Variants in EHMT1 observed in about 807,000 individuals in gnomAD.
The protein encoded by EHMT1 is euchromatic histone lysine methyltransferase 1.
Under a neutral mutation model 147.2 loss-of-function variants are expected in EHMT1, and 15 were observed. The ratio of observed to expected loss-of-function variants is 0.10; its 90% confidence interval spans 0.07 to 0.16. The LOEUF (loss-of-function observed/expected upper bound fraction) is 0.16, where lower values mean the gene tolerates loss of function less well. Ranked by LOEUF, EHMT1 falls within the 10% of genes least tolerant of loss-of-function variation. The pLI, the probability that EHMT1 is intolerant of heterozygous loss-of-function variation, is 1.00. For missense variants in EHMT1, 1,587 were observed against 1,772.4 expected, an observed-to-expected ratio of 0.90 and a Z score of 1.88; for synonymous variants, 795 against 709.6, an observed-to-expected ratio of 1.12 and a Z score of -1.91.
intron 1 of EHMT1, among the ~76,000 whole-genome samples, chr9:137,620,309 T>C (rs1842876386): frequency 6.6e-6 from 1 of 152,224 alleles, no homozygotes; most frequent in South Asian, 2.1e-4. Context: ...ATTTATGAAG[T>C]ACCCACTGGA....
chr9:137,830,824 A>G lies in EHMT1; in HGVS notation c.3541-3525A>G, dbSNP rs542208548. On this transcript the variant is annotated intron_variant, in intron 25 of 26. Coordinates refer to ENST00000460843, the MANE Select transcript of EHMT1 (RefSeq NM_024757.5). ...GTGTAAAATTTTTGCATGCTTGGGA[A>G]GTTCACACCCAGAAAAGCCTTGCTT... 1.2e-4 allele frequency among the ~76,000 whole-genome samples: 19 copies of G among 152,280 alleles called. No homozygotes were observed. In the South Asian group the frequency reaches 3.9e-3, roughly 32 times the overall value.
intron 22 of EHMT1, chr9:137,815,500 T>C: frequency 3.5e-6 from 1 of 283,888 alleles, no homozygotes; most frequent in South Asian, 3.7e-5. Flanking sequence ...CTGGCCTGGC[T>C]TCAGGGGGGT....
chr9:137,717,916 C>G (rs370797142), intron 3 of EHMT1, among the ~76,000 whole-genome samples: 9 of 152,198 alleles, frequency 5.9e-5, no homozygotes, highest in African/African-American at 1.9e-4. Flanking sequence ...GGAGACATGC[C>G]GAGGTCTCCC....
rs770308975 is a variant in EHMT1, at chr9:137,776,572, T to TTCTA, written c.1792-46_1792-45insTCTA. On this transcript the variant is annotated intron_variant, in intron 11 of 26. Coordinates refer to ENST00000460843, the MANE Select transcript of EHMT1 (RefSeq NM_024757.5). This position sits in a 1 kb window ranked among gnomAD's most constrained non-coding sequence, Gnocchi z 4.4. Reference sequence around the variant, plus strand: ...AGTAGTACTTTATTTTTCTAAATATTAACCCCAATTAAAACAAAAATTTTT... The same window carrying TTCTA: ...AGTAGTACTTTATTTTTCTAAATATTTCTAAACCCCAATTAAAACAAAAATTTTT... 6.3e-7 allele frequency: 1 copy of TTCTA among 1,595,382 alleles called. No individual in the cohort carries two copies. The highest frequency in any genetic ancestry group is 8.6e-7 in the Non-Finnish European group (1 of 1,164,330).
intron 1 of EHMT1, among the ~76,000 whole-genome samples, chr9:137,647,061 A>G (rs908245963): frequency 1.3e-5 from 2 of 152,182 alleles, no homozygotes; most frequent in East Asian, 3.8e-4. Context: ...ACCTGGGATT[A>G]GTTGTCTCCG....
intron 3 of EHMT1, among the ~76,000 whole-genome samples, chr9:137,721,636 G>A (rs1227786318): frequency 3.5e-5 from 5 of 142,568 alleles, no homozygotes; most frequent in East Asian, 2.1e-4. Flanking sequence ...CCTCTCCCAC[G>A]CCTCTCACTC....
At chr9:137,664,179 A>G (rs1362942357) in intron 1 of EHMT1, among the ~76,000 whole-genome samples, 2 of 152,028 alleles carry the variant, frequency 1.3e-5, no homozygotes, top group African/African-American at 4.8e-5. Context: ...AGCTGGGACT[A>G]CAGGTGCATG....
chr9:137,798,063 G>A (rs1049010514), intron 16 of EHMT1, among the ~76,000 whole-genome samples: 1 of 152,220 alleles, frequency 6.6e-6, no homozygotes, highest in Non-Finnish European at 1.5e-5. Context: ...CAGGGAAACA[G>A]AGCTGAAAGG....
At chr9:137,739,437 T>C (rs1020637246) in intron 4 of EHMT1, among the ~76,000 whole-genome samples, 1 of 152,088 alleles carries the variant, frequency 6.6e-6, no homozygotes, top group African/African-American at 2.4e-5. Context: ...TGCTGCTGGG[T>C]TCAGTGTCCA....
chr9:137,732,431 A>G lies in EHMT1; in HGVS notation c.823+3902A>G, dbSNP rs1268622492. On this transcript the variant is annotated intron_variant, in intron 4 of 26. Transcript: ENST00000460843. This position sits in a 1 kb window ranked among gnomAD's most constrained non-coding sequence, Gnocchi z 4.6. Reference sequence around the variant, plus strand: ...ACTGGAGGGGAGCAAGGTGGAGAAGAGTTTTATTGAGCAGCAGAACAGCTC... The same window carrying G: ...ACTGGAGGGGAGCAAGGTGGAGAAGGGTTTTATTGAGCAGCAGAACAGCTC... Among the ~76,000 whole-genome samples, 1 of 152,188 alleles carries G rather than the reference A, an allele frequency of 6.6e-6. No homozygotes were observed. Among genetic ancestry groups the G allele is most frequent in the Non-Finnish European group, 1.5e-5 (1 of 68,022 alleles).
At chr9:137,792,702 T>A (rs1952617503) in intron 16 of EHMT1, among the ~76,000 whole-genome samples, 1 of 152,064 alleles carries the variant, frequency 6.6e-6, no homozygotes, top group Non-Finnish European at 1.5e-5. Flanking sequence ...CGAAACTCTG[T>A]TTCAAAAAAA....
chr9:137,628,548 A>G (rs756510273), intron 1 of EHMT1, among the ~76,000 whole-genome samples: 1 of 152,198 alleles, frequency 6.6e-6, no homozygotes, highest in Non-Finnish European at 1.5e-5. Flanking sequence ...TGAAAGTGTT[A>G]GGATCACAGG....
chr9:137,718,639 G>C (rs931158703), intron 3 of EHMT1, among the ~76,000 whole-genome samples: 1 of 152,008 alleles, frequency 6.6e-6, no homozygotes, highest in African/African-American at 2.4e-5. Flanking sequence ...CTTCCTTACT[G>C]GTTCCTCAGC....
intron 1 of EHMT1, among the ~76,000 whole-genome samples, chr9:137,709,518 G>A (rs1244421790): frequency 6.6e-6 from 1 of 152,168 alleles, no homozygotes; most frequent in Non-Finnish European, 1.5e-5. Flanking sequence ...AGACCATATG[G>A]ATGTGAGCCC....
intron 1 of EHMT1, among the ~76,000 whole-genome samples, chr9:137,682,550 C>T (rs186925938): frequency 1.1e-4 from 17 of 152,288 alleles, no homozygotes; most frequent in East Asian, 3.9e-4. Context: ...GTTTGCTAGC[C>T]GCTGGGATGC....
At chr9:137,760,099 G>A (rs1279972455) in intron 9 of EHMT1, among the ~76,000 whole-genome samples, 1 of 152,208 alleles carries the variant, frequency 6.6e-6, no homozygotes, top group Non-Finnish European at 1.5e-5. Context: ...GAGCCTGGGA[G>A]GGGCCAGGAG....
In EHMT1 at chr9:137,775,322, TG is replaced by T; in HGVS notation, c.1791+71del. 6.3e-7 allele frequency: 1 copy of T among 1,580,678 alleles called. No individual in the cohort carries two copies. The highest frequency in any genetic ancestry group is 8.5e-7 in the Non-Finnish European group (1 of 1,169,686). ...CTGTCTGCTCACTGGTGCTGGTTCC[TG>T]TCCTGTGTCCACCTGCTGTCGGGTG... On this transcript the variant is annotated intron_variant, in intron 11 of 26. Transcript: ENST00000460843. This position sits in a 1 kb window ranked among gnomAD's most constrained non-coding sequence, Gnocchi z 6.1.
chr9:137,644,743 C>T (rs933450721), intron 1 of EHMT1, among the ~76,000 whole-genome samples: 1 of 152,152 alleles, frequency 6.6e-6, no homozygotes. Flanking sequence ...TGATTGAGAT[C>T]TAGTCATTGT....
chr9:137,677,974 CAGG>C (rs1941541348), intron 1 of EHMT1, among the ~76,000 whole-genome samples: 1 of 151,412 alleles, frequency 6.6e-6, no homozygotes, highest in African/African-American at 2.4e-5. Flanking sequence ...GAGGCTGAGG[CAGG>C]AGAATGGCGT....
Sources: gnomAD v4.1 joint callset for allele counts (sites outside exome capture counted in the v4.1 genomes callset) on GRCh38, gnomAD v4.1.1 for gene constraint, Gnocchi (gnomAD v3.1) non-coding constraint, MANE v1.5 for transcripts, NCBI Gene and HGNC (gene_info 2026-07-23, HGNC 2026-07-21) for gene names.